The following DOK6 variants were observed in gnomAD, a reference collection of about 807,000 sequenced individuals.
The protein encoded by DOK6 is downstream of tyrosine kinase 6.
A neutral mutation model predicts 44.0 loss-of-function variants in DOK6; 22 were observed. The observed-to-expected ratio is 0.50, with a 90% CI of 0.36 to 0.71. The LOEUF is 0.71. Among genes scored for constraint, DOK6 ranks in the 30% least tolerant of loss-of-function variants. DOK6 has a pLI of 0.00. For missense variants in DOK6, 340 were observed against 416.4 expected, an observed-to-expected ratio of 0.82 and a Z score of 1.60; for synonymous variants, 166 against 145.5, an observed-to-expected ratio of 1.14 and a Z score of -1.01.
chr18:69,745,983 A>G (rs983980857), intron 6 of DOK6, among the ~76,000 whole-genome samples: 5 of 152,342 alleles, frequency 3.3e-5, no homozygotes, highest in Admixed American at 6.5e-5. Flanking sequence ...AAAGAGCCCA[A>G]AATTTGATTT....
intron 3 of DOK6, among the ~76,000 whole-genome samples, chr18:69,603,537 C>T (rs553242613): frequency 1.3e-5 from 2 of 152,196 alleles, no homozygotes; most frequent in African/African-American, 4.8e-5. Context: ...TTCGGGAGGC[C>T]GAGGCGGGTG....
chr18:69,777,794 T>C (rs1439181038), intron 7 of DOK6: 1 of 148,568 alleles, frequency 6.7e-6, no homozygotes, highest in Non-Finnish European at 1.5e-5. Flanking sequence ...ATGATATCTG[T>C]TTGTGGATGA....
intron 3 of DOK6, among the ~76,000 whole-genome samples, chr18:69,616,562 A>G (rs1002686005): frequency 2.0e-5 from 3 of 151,620 alleles, no homozygotes; most frequent in East Asian, 3.9e-4. Flanking sequence ...ACTAACTACT[A>G]GATGTGCAAG....
At chr18:69,448,218 T>A (rs1370949833) in intron 1 of DOK6, among the ~76,000 whole-genome samples, 2 of 152,208 alleles carry the variant, frequency 1.3e-5, no homozygotes, top group Non-Finnish European at 2.9e-5. Context: ...CAGATTGTTT[T>A]AAGTGTTTAA....
chr18:69,560,845 G>A (rs1024334475), intron 1 of DOK6, among the ~76,000 whole-genome samples: 3 of 152,144 alleles, frequency 2.0e-5, no homozygotes, highest in Non-Finnish European at 4.4e-5. Context: ...AAGTTATGTG[G>A]CTCCAGCAAG....
chr18:69,418,790 C>A (rs1978407565), intron 1 of DOK6, among the ~76,000 whole-genome samples: 2 of 151,980 alleles, frequency 1.3e-5, no homozygotes, highest in African/African-American at 4.8e-5. Context: ...TCAAAATAAA[C>A]ATAAAGGGAA....
intron 7 of DOK6, among the ~76,000 whole-genome samples, chr18:69,761,248 A>G (rs1431512319): frequency 7.5e-6 from 1 of 132,694 alleles, no homozygotes; most frequent in Non-Finnish European, 1.6e-5. Flanking sequence ...AATTATTACT[A>G]CTCCTGAAAT....
chr18:69,446,909 A>AT (rs1302693844), intron 1 of DOK6, among the ~76,000 whole-genome samples: 13 of 151,798 alleles, frequency 8.6e-5, no homozygotes, highest in African/African-American at 2.2e-4. Flanking sequence ...GGGTTGTTTG[A>AT]TTTTTTCTTG....
intron 7 of DOK6, among the ~76,000 whole-genome samples, chr18:69,830,088 C>A (rs1981858927): frequency 6.6e-6 from 1 of 151,894 alleles, no homozygotes; most frequent in Non-Finnish European, 1.5e-5. Context: ...AAATACCTTC[C>A]AGAAAAAAGG....
At chr18:69,438,349 C>T (rs1278749635) in intron 1 of DOK6, among the ~76,000 whole-genome samples, 1 of 152,204 alleles carries the variant, frequency 6.6e-6, no homozygotes, top group Non-Finnish European at 1.5e-5. Flanking sequence ...TTTGCTTATG[C>T]ATAAAAAGAA....
intron 1 of DOK6, among the ~76,000 whole-genome samples, chr18:69,514,996 G>C (rs1981480422): frequency 6.6e-6 from 1 of 152,058 alleles, no homozygotes; most frequent in Non-Finnish European, 1.5e-5. Context: ...ATTACTGATG[G>C]TGAATCTTCT....
At chr18:69,655,682 G>A (rs1470537509) in intron 3 of DOK6, among the ~76,000 whole-genome samples, 3 of 150,324 alleles carry the variant, frequency 2.0e-5, no homozygotes, top group Non-Finnish European at 4.4e-5. Context: ...GAACCCGGGA[G>A]GTGGAGGTGG....
At chr18:69,760,728 G>T (rs796380686) in intron 7 of DOK6, among the ~76,000 whole-genome samples, 21 of 134,712 alleles carry the variant, frequency 1.6e-4, no homozygotes, top group African/African-American at 5.1e-4. Context: ...CCCGGGGGCC[G>T]GTTGTGACCA....
chr18:69,572,565 G>T (rs1009726675), intron 2 of DOK6, among the ~76,000 whole-genome samples: 3 of 152,002 alleles, frequency 2.0e-5, no homozygotes, highest in Non-Finnish European at 2.9e-5. Context: ...TTATTCTATA[G>T]TTCTGGATAA....
At chr18:69,726,229 GTCTTCAGA>G in intron 5 of DOK6, among the ~76,000 whole-genome samples, 1 of 152,168 alleles carries the variant, frequency 6.6e-6, no homozygotes, top group African/African-American at 2.4e-5. Flanking sequence ...GCCTTTTTCT[GTCTTCAGA>G]TTATAACTAG....
chr18:69,816,404 C>G (rs1344331317), intron 7 of DOK6, among the ~76,000 whole-genome samples: 1 of 152,196 alleles, frequency 6.6e-6, no homozygotes, highest in African/African-American at 2.4e-5. Flanking sequence ...GACCACACAT[C>G]TCATTATACA....
At chr18:69,794,167 C>T (rs1210056385) in intron 7 of DOK6, among the ~76,000 whole-genome samples, 1 of 152,142 alleles carries the variant, frequency 6.6e-6, no homozygotes, top group East Asian at 1.9e-4. Flanking sequence ...ATCCTGCCTA[C>T]TTTCCATGTC....
chr18:69,786,299 G>C (rs1331177845), intron 7 of DOK6, among the ~76,000 whole-genome samples: 1 of 152,114 alleles, frequency 6.6e-6, no homozygotes, highest in Admixed American at 6.5e-5. Flanking sequence ...AATATGTGTT[G>C]ATCTTAAAAA....
chr18:69,566,553 C>G (rs1271990563), intron 2 of DOK6, among the ~76,000 whole-genome samples: 1 of 152,202 alleles, frequency 6.6e-6, no homozygotes, highest in Non-Finnish European at 1.5e-5. Context: ...TACTCTAACC[C>G]CACTATAAGG....
Sources: gnomAD v4.1 joint callset for allele counts (sites outside exome capture counted in the v4.1 genomes callset) on GRCh38, gnomAD v4.1.1 for gene constraint, MANE v1.5 for transcripts, NCBI Gene and HGNC (gene_info 2026-07-23, HGNC 2026-07-21) for gene names.